The following DNAAF11 variants were observed in gnomAD, a reference collection of about 807,000 sequenced individuals.
The protein encoded by DNAAF11 is leucine rich repeat containing 6.
A neutral mutation model predicts 60.8 loss-of-function variants in DNAAF11; 45 were observed. The observed-to-expected ratio is 0.74, with a 90% CI of 0.58 to 0.95. The LOEUF (loss-of-function observed/expected upper bound fraction) is 0.95. DNAAF11 is among the 40% of genes least tolerant of loss of function. The pLI is 0.00. For missense variants in DNAAF11, 546 were observed against 546.2 expected (o/e 1.00, Z 0.00); for synonymous variants, 191 against 183.5 (o/e 1.04, Z -0.33).
At chr8:132,597,004 C>A (rs1391640870) in intron 10 of DNAAF11, among the ~76,000 whole-genome samples, 1 of 152,140 alleles carries the variant, frequency 6.6e-6, no homozygotes, top group Non-Finnish European at 1.5e-5. Context: ...CTGTCATCCA[C>A]CCCAACTGGC....
rs149500855 is a variant in DNAAF11, at chr8:132,628,455, G to A, written c.654-3001C>T. Among the ~76,000 whole-genome samples the A allele has an allele frequency of 2.3e-4, 35 of 151,998 alleles. No individual in the cohort carries two copies. The East Asian group carries it at 6.8e-3, about 29-fold the overall frequency. ...CACAAATCCTTGCCATGTGAAGTGT[G>A]AGCTGTTTCCATTAATACCTTCTTC... On this transcript the variant is annotated intron_variant, in intron 5 of 11. Coordinates refer to ENST00000620350, the MANE Select transcript of DNAAF11 (RefSeq NM_012472.6).
Position 132,638,035 on chromosome 8 carries a change from T to C in DNAAF11, c.329A>G (p.Gln110Arg). 1 of 1,614,160 alleles carries C rather than the reference T, an allele frequency of 6.2e-7. No homozygotes were observed. Among genetic ancestry groups the C allele is most frequent in the South Asian group, 1.1e-5 (1 of 91,086 alleles). ...GAGCTCCTTCAGATGGATATTGTGC[T>C]GCAAGTTTTTAATGCTGCTCAGCTC... ...IGELSSIKNL[Q>R]HNIHLKELFL... The change falls in exon 4 of 12, where the codon CAG (glutamine) becomes CGG (arginine). Residue 110 changes from glutamine to arginine, a missense_variant. Transcript: ENST00000620350.
intron 1 of DNAAF11, among the ~76,000 whole-genome samples, chr8:132,673,007 C>T (rs1379578871): frequency 6.6e-6 from 1 of 152,150 alleles, no homozygotes; most frequent in East Asian, 1.9e-4. Flanking sequence ...GAAAAAAGGG[C>T]ACACAGGAGC....
chr8:132,586,421 T>G, intron 10 of DNAAF11, among the ~76,000 whole-genome samples: 1 of 152,188 alleles, frequency 6.6e-6, no homozygotes, highest in East Asian at 1.9e-4. Flanking sequence ...TAATTTGAAT[T>G]TGTTTATTTA....
At chr8:132,578,283 C>T (rs938950723) in intron 11 of DNAAF11, 34 of 534,632 alleles carry the variant, frequency 6.4e-5, no homozygotes, top group Middle Eastern at 3.4e-4. Context: ...GAGGAATGAA[C>T]TAAATCATAA....
In DNAAF11 at chr8:132,572,399, T is replaced by A; in HGVS notation, c.1308A>T (p.Lys436Asn). ...GTTCAGGTCGTCTTCTGGGTGTGTG[T>A]TTTTTCTCTTGAACTATGTTAGTCA... The part of the protein sequence containing the change: ...PDVTNIVQEK[K>N]HTPRRRPEPK... The change falls in exon 12 of 12, where the codon AAA becomes AAT. Residue 436 changes from lysine to asparagine, a missense_variant. Physicochemically the swap from Lys to Asn is moderately conservative, Grantham distance 94. Transcript: ENST00000620350. 6.2e-7 allele frequency: 1 copy of A among 1,613,768 alleles called. No individual in the cohort carries two copies.
In DNAAF11 at chr8:132,583,736, A is replaced by G. The variant is rs1815579282; in HGVS notation, c.1184T>C (p.Met395Thr). ...TCTGCTCCTGTCCGAGGTAGTTTTC[A>G]TAGATTTGAATGCTCGCTGACCACC... ...ITGGQRAFKS[M>T]KTTSDRSREQ... is the part of the protein sequence containing the mutation. The change falls in exon 11 of 12, where the codon ATG (methionine) becomes ACG (threonine). Residue 395 changes from methionine (M) to threonine (T), a missense_variant. Transcript: ENST00000620350. 1 of 1,613,966 alleles carries G rather than the reference A, an allele frequency of 6.2e-7. No individual in the cohort carries two copies. The highest frequency in any genetic ancestry group is 8.5e-7 in the Non-Finnish European group (1 of 1,179,904).
chr8:132,667,645 A>T (rs1322016852), intron 1 of DNAAF11, among the ~76,000 whole-genome samples: 1 of 152,234 alleles, frequency 6.6e-6, no homozygotes, highest in African/African-American at 2.4e-5. Context: ...TGGAGAAATA[A>T]GCTCTTGATG....
chr8:132,630,437 A>C (rs1820686068), intron 5 of DNAAF11, among the ~76,000 whole-genome samples: 2 of 152,088 alleles, frequency 1.3e-5, no homozygotes, highest in African/African-American at 4.8e-5. Context: ...TACCCTATAC[A>C]TTGGCAAAGG....
upstream of DNAAF11, among the ~76,000 whole-genome samples, chr8:132,677,386 C>T (rs892884133): frequency 5.9e-5 from 9 of 151,974 alleles, no homozygotes; most frequent in South Asian, 6.2e-4. Context: ...TGTGCCATTG[C>T]TCTCTAGCCT....
intron 10 of DNAAF11, among the ~76,000 whole-genome samples, chr8:132,605,685 CA>C (rs1375583922): frequency 6.6e-6 from 1 of 152,020 alleles, no homozygotes; most frequent in Non-Finnish European, 1.5e-5. Flanking sequence ...ACAGCAGGAA[CA>C]GGGGATACAG....
At chr8:132,634,235 C>A (rs148155036) in intron 4 of DNAAF11, among the ~76,000 whole-genome samples, 1 of 151,984 alleles carries the variant, frequency 6.6e-6, no homozygotes, top group Admixed American at 6.6e-5. Context: ...GCAGCCAAAG[C>A]GAAATAGAAA....
At chr8:132,601,106 G>A (rs1817564333) in intron 10 of DNAAF11, among the ~76,000 whole-genome samples, 1 of 152,142 alleles carries the variant, frequency 6.6e-6, no homozygotes, top group South Asian at 2.1e-4. Flanking sequence ...ATCAAAAAGT[G>A]GGCAAAGGAT....
upstream of DNAAF11, among the ~76,000 whole-genome samples, chr8:132,679,703 G>C (rs112973897): frequency 2.5e-3 from 387 of 152,196 alleles, no homozygotes; most frequent in African/African-American, 8.9e-3. Context: ...TTCTGTTCTC[G>C]TGATAGTAAA....
chr8:132,596,302 A>G (rs1817013127), intron 10 of DNAAF11, among the ~76,000 whole-genome samples: 1 of 152,318 alleles, frequency 6.6e-6, no homozygotes, highest in Non-Finnish European at 1.5e-5. Flanking sequence ...CAACACTGAC[A>G]GTTACATAAG....
upstream of DNAAF11, among the ~76,000 whole-genome samples, chr8:132,679,340 C>A (rs934864699): frequency 2.0e-5 from 3 of 152,094 alleles, no homozygotes; most frequent in Admixed American, 6.5e-5. Context: ...AGTCAGTGAG[C>A]CAATTTCTTC....
chr8:132,674,964 T>C (rs1000503194), intron 1 of DNAAF11, among the ~76,000 whole-genome samples: 34 of 152,202 alleles, frequency 2.2e-4, no homozygotes, highest in Admixed American at 2.0e-4. Context: ...ATTTTGGAGA[T>C]GAAGAAGCTG....
the DNAAF11 span, among the ~76,000 whole-genome samples, chr8:132,697,961 AATGT>A: frequency 6.6e-6 from 1 of 152,164 alleles, no homozygotes; most frequent in Non-Finnish European, 1.5e-5. Context: ...ATATTAATAA[AATGT>A]ATGTATTTAT....
chr8:132,634,046 G>GA (rs895770432), intron 4 of DNAAF11, among the ~76,000 whole-genome samples: 37 of 148,784 alleles, frequency 2.5e-4, no homozygotes, highest in Middle Eastern at 3.4e-3. Context: ...CATAAAAAAG[G>GA]AAAAAAAAAT....
Sources: gnomAD v4.1 joint callset for allele counts (sites outside exome capture counted in the v4.1 genomes callset) on GRCh38, gnomAD v4.1.1 for gene constraint, MANE v1.5 for transcripts, NCBI Gene and HGNC (gene_info 2026-07-23, HGNC 2026-07-21) for gene names.